Variants in STPG2 observed in about 807,000 individuals in gnomAD.
STPG2 encodes the protein sperm-tail PG-rich repeat-containing protein 2.
In STPG2, 56 loss-of-function variants were observed where a neutral mutation model predicts 54.2. The observed-to-expected ratio is 1.03, with a 90% CI of 0.83 to 1.29. STPG2 has a LOEUF of 1.29. Among genes scored for constraint, STPG2 ranks in the 50% most tolerant of loss-of-function variants. The pLI is 0.00. For missense variants in STPG2, 596 were observed against 544.9 expected (o/e 1.09, Z -0.93); for synonymous variants, 200 against 181.8 (o/e 1.10, Z -0.81).
chr4:98,026,575 G>A (rs1578794499), intron 5 of STPG2, among the ~76,000 whole-genome samples: 2 of 152,124 alleles, frequency 1.3e-5, no homozygotes. Context: ...GAGGCCCATT[G>A]AGTTTCTCAG....
intron 8 of STPG2, among the ~76,000 whole-genome samples, chr4:97,879,043 C>T (rs1434582094): frequency 6.6e-6 from 1 of 152,168 alleles, no homozygotes; most frequent in Non-Finnish European, 1.5e-5. Context: ...TGCCAGTCTC[C>T]TTGCTAAAAC....
chr4:97,639,840 T>C (rs979718952), intron 10 of STPG2, among the ~76,000 whole-genome samples: 2 of 151,882 alleles, frequency 1.3e-5, no homozygotes, highest in African/African-American at 2.4e-5. Context: ...ATAATAAAAA[T>C]AAAACTAACA....
intron 8 of STPG2, among the ~76,000 whole-genome samples, chr4:97,846,743 C>T (rs1335297537): frequency 1.3e-5 from 2 of 151,544 alleles, no homozygotes; most frequent in Non-Finnish European, 2.9e-5. Context: ...GAAGGGCCTG[C>T]GAAAATATGC....
intron 7 of STPG2, among the ~76,000 whole-genome samples, chr4:97,956,768 G>A (rs1294251508): frequency 1.3e-5 from 2 of 152,160 alleles, no homozygotes; most frequent in African/African-American, 2.4e-5. Flanking sequence ...GGAAAAGGGG[G>A]AGAATAATAC....
chr4:98,087,169 A>G lies in STPG2; in HGVS notation c.612+18784T>C, dbSNP rs114597074. ...ATATTATTATCGTCTCATTTAAGAT[A>G]ATAGAATACAGGTTCCTGCTACCCA... On this transcript the variant is annotated intron_variant, in intron 5 of 10. Transcript: ENST00000295268. Among the ~76,000 whole-genome samples the G allele has an allele frequency of 5.5e-3, 838 of 152,304 alleles. 4 individuals carry two copies. Among genetic ancestry groups the G allele is most frequent in the Middle Eastern group, 0.02 (6 of 294 alleles).
At chr4:97,899,509 G>T (rs1731093559) in intron 8 of STPG2, among the ~76,000 whole-genome samples, 1 of 151,670 alleles carries the variant, frequency 6.6e-6, no homozygotes, top group African/African-American at 2.4e-5. Context: ...AATCCAAATA[G>T]CCAAGGTAAT....
intron 5 of STPG2, among the ~76,000 whole-genome samples, chr4:98,001,694 G>A (rs868201645): frequency 2.4e-4 from 37 of 152,032 alleles, no homozygotes; most frequent in African/African-American, 7.7e-4. Context: ...AATGGAAAAC[G>A]GCGTACAGGA....
At chr4:97,764,155 GAC>G (rs144290643) in intron 9 of STPG2, among the ~76,000 whole-genome samples, 2 of 148,458 alleles carry the variant, frequency 1.3e-5, no homozygotes, top group Admixed American at 6.7e-5. Flanking sequence ...GGCACAGACA[GAC>G]ACACACACAC....
chr4:97,622,224 G>A (rs1734030614), intron 10 of STPG2, among the ~76,000 whole-genome samples: 1 of 152,094 alleles, frequency 6.6e-6, no homozygotes. Context: ...AACAAGACAA[G>A]GATGTTATTT....
chr4:97,679,130 G>C (rs1002433322), intron 10 of STPG2, among the ~76,000 whole-genome samples: 1 of 151,966 alleles, frequency 6.6e-6, no homozygotes, highest in Non-Finnish European at 1.5e-5. Context: ...TAGTCCTTTG[G>C]GTATATACCC....
intron 4 of STPG2, chr4:97,489,851 AT>A (rs1459469061): frequency 6.6e-6 from 1 of 151,308 alleles, no homozygotes; most frequent in Non-Finnish European, 1.5e-5. Context: ...AGAAATCTTA[AT>A]CTCCAGATGG....
chr4:97,670,629 G>A (rs1057083053), intron 10 of STPG2, among the ~76,000 whole-genome samples: 4 of 152,066 alleles, frequency 2.6e-5, no homozygotes, highest in African/African-American at 9.7e-5. Flanking sequence ...ATTTATTCTT[G>A]ACCTTGCCTA....
At chr4:97,899,603 G>A (rs1390041796) in intron 8 of STPG2, among the ~76,000 whole-genome samples, 1 of 151,938 alleles carries the variant, frequency 6.6e-6, no homozygotes, top group Non-Finnish European at 1.5e-5. Flanking sequence ...AAAACAGTGT[G>A]GTAATAGTAC....
intron 9 of STPG2, among the ~76,000 whole-genome samples, chr4:97,716,292 A>G (rs1724286317): frequency 2.0e-5 from 3 of 152,122 alleles, no homozygotes; most frequent in African/African-American, 7.2e-5. Context: ...CAGTGTGGCA[A>G]TTCCTCAAGG....
intron 4 of STPG2, among the ~76,000 whole-genome samples, chr4:97,539,139 G>A (rs1363967407): frequency 7.2e-5 from 11 of 152,094 alleles, no homozygotes; most frequent in African/African-American, 1.4e-4. Context: ...ATCAACTAAC[G>A]AGCAAAATAA....
Position 97,744,446 on chromosome 4 carries a change from G to T in STPG2, c.1205-31632C>A, listed in dbSNP as rs533479536. Among the ~76,000 whole-genome samples, 8 of 150,930 alleles carry T rather than the reference G, an allele frequency of 5.3e-5. No individual in the cohort carries two copies. In the South Asian group the frequency reaches 1.3e-3, roughly 24 times the overall value. ...AATTCCAATAAATATTTAAATAAAG[G>T]TGTTTAATTCTATTAAACATTTGGC... is the stretch of plus-strand genomic sequence containing the variant. On this transcript the variant is annotated intron_variant, in intron 9 of 10. Coordinates refer to ENST00000295268, the MANE Select transcript of STPG2 (RefSeq NM_174952.3).
intron 8 of STPG2, among the ~76,000 whole-genome samples, chr4:97,930,974 G>C (rs1732524179): frequency 6.6e-6 from 1 of 151,980 alleles, no homozygotes; most frequent in African/African-American, 2.4e-5. Flanking sequence ...TTGTGATTTG[G>C]CTCTCAGCTT....
intron 10 of STPG2, among the ~76,000 whole-genome samples, chr4:97,634,605 G>C (rs1429552414): frequency 6.6e-6 from 1 of 150,608 alleles, no homozygotes; most frequent in Non-Finnish European, 1.5e-5. Context: ...AAATTTAGAA[G>C]AATGTATAAC....
chr4:97,539,747 T>C (rs551330129), intron 4 of STPG2, among the ~76,000 whole-genome samples: 50 of 152,224 alleles, frequency 3.3e-4, no homozygotes, highest in African/African-American at 1.2e-3. Context: ...CAACAGAATA[T>C]ACATTCTTCT....
Sources: gnomAD v4.1 joint callset for allele counts (sites outside exome capture counted in the v4.1 genomes callset) on GRCh38, gnomAD v4.1.1 for gene constraint, MANE v1.5 for transcripts, NCBI Gene and HGNC (gene_info 2026-07-23, HGNC 2026-07-21) for gene names.